DYNC2H1: variants seen among roughly 807,000 people sequenced by gnomAD.
The protein encoded by DYNC2H1 is cytoplasmic dynein 2 heavy chain 1.
A neutral mutation model predicts 570.0 loss-of-function variants in DYNC2H1; 410 were observed. The observed-to-expected ratio is 0.72, with a 90% CI of 0.66 to 0.78. The LOEUF (loss-of-function observed/expected upper bound fraction) is 0.78. Among genes scored for constraint, DYNC2H1 ranks in the 30% least tolerant of loss-of-function variants. The probability of loss-of-function intolerance (pLI) is 0.00; values close to 1 mark genes in which losing one functional copy is unlikely to be tolerated. For missense variants in DYNC2H1, 4,865 were observed against 5,046.4 expected (o/e 0.96, Z 1.09); for synonymous variants, 1,688 against 1,677.6 (o/e 1.01, Z -0.15).
intron 70 of DYNC2H1, among the ~76,000 whole-genome samples, chr11:103,260,965 A>G (rs148004200): frequency 2.6e-5 from 4 of 151,958 alleles, no homozygotes; most frequent in African/African-American, 9.7e-5. Context: ...ATAGCTTAAG[A>G]CATAATGTTG....
intron 46 of DYNC2H1, 130 bp downstream of exon 46, chr11:103,191,749 A>G: frequency 2.4e-6 from 1 of 415,384 alleles, no homozygotes; most frequent in Non-Finnish European, 3.9e-6. Flanking sequence ...AAATATTTTT[A>G]TTAAAATTAT....
At chr11:103,454,810 C>A (rs1439332482) in intron 85 of DYNC2H1, among the ~76,000 whole-genome samples, 4 of 152,152 alleles carry the variant, frequency 2.6e-5, no homozygotes, top group Admixed American at 6.5e-5. Context: ...GGAACTGGAA[C>A]CCTTATTCAG....
chr11:103,341,385 A>G (rs766586848), intron 82 of DYNC2H1, among the ~76,000 whole-genome samples: 1 of 152,240 alleles, frequency 6.6e-6, no homozygotes, highest in Non-Finnish European at 1.5e-5. Context: ...GAGATTATTT[A>G]AAGTAATCCT....
rs748872602 is a variant in DYNC2H1, at chr11:103,399,881, G to C, written c.12366+9G>C. On this transcript the variant is annotated intron_variant, in intron 84 of 88. Transcript: ENST00000375735. ...CTTTATTAAACCAAAAGGTAAGCGA[G>C]TACTAACTGTATGTATTTTTATTTC... is the stretch of plus-strand genomic sequence containing the variant. The C allele has an allele frequency of 1.3e-6, 2 of 1,599,554 alleles. No individual in the cohort carries two copies.
intron 35 of DYNC2H1, 82 bp from the exon 36 acceptor site, chr11:103,173,973 T>C (rs1861685518): frequency 6.4e-6 from 6 of 943,084 alleles, no homozygotes; most frequent in South Asian, 4.7e-5. Context: ...GTCAGTGTTA[T>C]ATTCTGTATT....
At chr11:103,318,478 T>C (rs1937986685) in intron 80 of DYNC2H1, among the ~76,000 whole-genome samples, 1 of 152,216 alleles carries the variant, frequency 6.6e-6, no homozygotes, top group Non-Finnish European at 1.5e-5. Context: ...CATTTAGTTG[T>C]AGTCCATTTA....
chr11:103,137,868 G>A (rs1859663767), intron 17 of DYNC2H1, among the ~76,000 whole-genome samples: 1 of 150,536 alleles, frequency 6.6e-6, no homozygotes, highest in African/African-American at 2.4e-5. Context: ...AGCATGGAAT[G>A]TTCTTCCATT....
At chr11:103,458,615 C>T (rs1944880168) in intron 87 of DYNC2H1, among the ~76,000 whole-genome samples, 1 of 151,918 alleles carries the variant, frequency 6.6e-6, no homozygotes, top group African/African-American at 2.4e-5. Context: ...AAAAAAAAAG[C>T]CACTTATGAT....
intron 37 of DYNC2H1, 71 bp downstream of exon 37, chr11:103,176,505 C>T: frequency 8.4e-7 from 1 of 1,187,142 alleles, no homozygotes; most frequent in Non-Finnish European, 1.1e-6. Context: ...CTATCCTTGT[C>T]CTTCATCTTT....
intron 53 of DYNC2H1, among the ~76,000 whole-genome samples, chr11:103,211,169 T>C (rs1463181657): frequency 1.3e-5 from 2 of 150,346 alleles, no homozygotes; most frequent in Non-Finnish European, 3.0e-5. Context: ...GATTATGTAA[T>C]GGCTGTGGCA....
intron 47 of DYNC2H1, among the ~76,000 whole-genome samples, chr11:103,197,103 A>C (rs558288546): frequency 7.2e-5 from 11 of 151,752 alleles, no homozygotes; most frequent in Non-Finnish European, 1.5e-4. Context: ...AGTTTGGGGG[A>C]TTTTTGTTTT....
chr11:103,168,340 C>T (rs1207617553), intron 31 of DYNC2H1, among the ~76,000 whole-genome samples: 1 of 152,174 alleles, frequency 6.6e-6, no homozygotes, highest in African/African-American at 2.4e-5. Flanking sequence ...GGGAAAAATA[C>T]AATGGTAAAT....
intron 85 of DYNC2H1, among the ~76,000 whole-genome samples, chr11:103,442,116 G>A (rs1339042560): frequency 6.6e-6 from 1 of 152,006 alleles, no homozygotes; most frequent in Non-Finnish European, 1.5e-5. Context: ...ACCTGTGGAT[G>A]TTTTTTATTC....
At chr11:103,432,937 C>T (rs970298906) in intron 84 of DYNC2H1, among the ~76,000 whole-genome samples, 1 of 152,096 alleles carries the variant, frequency 6.6e-6, no homozygotes, top group African/African-American at 2.4e-5. Flanking sequence ...AAATCTAAGA[C>T]AACTTTCAAG....
At chr11:103,390,138 C>T (rs186807358) in intron 83 of DYNC2H1, among the ~76,000 whole-genome samples, 6 of 152,114 alleles carry the variant, frequency 3.9e-5, no homozygotes, top group Non-Finnish European at 7.3e-5. Context: ...GTCTAAGTCT[C>T]TTTGTAGGTC....
chr11:103,233,110 G>A (rs1230861653), intron 60 of DYNC2H1, among the ~76,000 whole-genome samples: 1 of 151,988 alleles, frequency 6.6e-6, no homozygotes, highest in Non-Finnish European at 1.5e-5. Flanking sequence ...CACTTAGAAA[G>A]ACAATGAAAT....
At chr11:103,288,684 T>TTAAAAAAAAAAAAAAAAAAAAAAAAAAAA (rs1401919829) in intron 75 of DYNC2H1, among the ~76,000 whole-genome samples, 1 of 27,904 alleles carries the variant, frequency 3.6e-5, no homozygotes, top group Non-Finnish European at 6.0e-5. Context: ...CCGTCTCTAC[T>TTAAAAAAAAAAAAAAAAAAAAAAAAAAAA]AAAAAAAAAA....
intron 80 of DYNC2H1, among the ~76,000 whole-genome samples, chr11:103,318,026 G>T (rs1937956596): frequency 6.6e-6 from 1 of 151,982 alleles, no homozygotes; most frequent in Non-Finnish European, 1.5e-5. Context: ...TATTATTTCA[G>T]TTAATAGCAT....
intron 82 of DYNC2H1, among the ~76,000 whole-genome samples, chr11:103,335,306 A>G (rs889059534): frequency 5.9e-5 from 9 of 152,082 alleles, no homozygotes; most frequent in African/African-American, 1.9e-4. Flanking sequence ...TTTAATGACT[A>G]TACAGTTCCT....
Sources: allele counts gnomAD v4.1 joint callset (sites outside exome capture counted in the v4.1 genomes callset), GRCh38; gene constraint gnomAD v4.1.1; transcripts MANE v1.5; gene names NCBI Gene and HGNC (gene_info 2026-07-23, HGNC 2026-07-21).